SLC6A9: variants seen among roughly 807,000 people sequenced by gnomAD.
SLC6A9 encodes the protein solute carrier family 6 member 9.
Under a neutral mutation model 70.9 loss-of-function variants are expected in SLC6A9, and 31 were observed. That is an observed-to-expected ratio of 0.44 (90% CI 0.33 to 0.59). The LOEUF is 0.59. SLC6A9 is among the 20% of genes least tolerant of loss of function. The probability of loss-of-function intolerance (pLI) is 0.04; values close to 1 mark genes in which losing one functional copy is unlikely to be tolerated. For synonymous variants in SLC6A9, 310 were observed against 341.3 expected, an observed-to-expected ratio of 0.91 and a Z score of 1.01; for missense variants, 631 against 845.2, an observed-to-expected ratio of 0.75 and a Z score of 3.14.
chr1:44,003,050 C>T (rs761739746), intron 5 of SLC6A9, 65 bp from the exon 6 acceptor site: 2 of 1,590,250 alleles, frequency 1.3e-6, no homozygotes, highest in South Asian at 2.2e-5. Flanking sequence ...TTCCCAAGGC[C>T]CAGGGCCCAC....
Position 44,003,021 on chromosome 1 carries a change from G to A in SLC6A9, c.591-36C>T, listed in dbSNP as rs367547801. ...GAGACTCTGTCACTGAGGGCCAGCCGCCGCTGCCCAGCAACAAATTCCCAA... is the reference window on the plus strand; with the variant it reads ...GAGACTCTGTCACTGAGGGCCAGCCACCGCTGCCCAGCAACAAATTCCCAA... On this transcript the variant is annotated intron_variant, in intron 5 of 13. Transcript: ENST00000372310. The A allele has an allele frequency of 3.3e-5, 53 of 1,611,612 alleles. 1 individual carries two copies. In the Admixed American group the frequency reaches 4.2e-4, roughly 13 times the overall value.
At chr1:44,006,204 G>A (rs1362998628) in intron 5 of SLC6A9, among the ~76,000 whole-genome samples, 1 of 151,948 alleles carries the variant, frequency 6.6e-6, no homozygotes, top group Admixed American at 6.5e-5. Flanking sequence ...ATATCTGCTC[G>A]TTCTCCCATC....
chr1:44,001,175 GGGGGAT>G lies in SLC6A9; in HGVS notation c.1318_1323del (p.Ile440_Pro441del). 6.2e-7 allele frequency: 1 copy of G among 1,614,232 alleles called. No individual in the cohort carries two copies. The highest frequency in any genetic ancestry group is 8.5e-7 in the Non-Finnish European group (1 of 1,180,038). On this transcript the variant is annotated inframe_deletion, in exon 10 of 14. Transcript: ENST00000372310. ...TACGCAGCTCTTACCTGGCTGGTGA[GGGGGAT>G]GCCCAGCAGGAAGCCAGCCACAGCC...
chr1:43,998,041 G>A lies in SLC6A9; in HGVS notation c.1537-16C>T, dbSNP rs929807139. 1.4e-5 allele frequency: 23 copies of A among 1,598,384 alleles called. No homozygotes were observed. The African/African-American group carries it at 2.7e-4, about 19-fold the overall frequency. On this transcript the variant is annotated splice_polypyrimidine_tract_variant and intron_variant, in intron 12 of 13. Transcript: ENST00000372310. ...CTAGAATAAACTGCACGGGGCAGGT[G>A]TGGGAGTGGGCGTGAGGCCGACCCA...
rs990101427 is a variant in SLC6A9, at chr1:44,017,191, G to T, written c.31-6309C>A. 36 of 1,577,692 alleles carry T rather than the reference G, an allele frequency of 2.3e-5. No homozygotes were observed. In the African/African-American group the frequency reaches 4.0e-4, roughly 17 times the overall value. On this transcript the variant is annotated intron_variant, in intron 2 of 13. Coordinates refer to ENST00000372310, the MANE Select transcript of SLC6A9 (RefSeq NM_001024845.3). ...CGCATCCCCTGCCTCTCCCACTGCC[G>T]GGCTGGGCAGCGTCAATTACTTTCA...
At position 44,001,009 on chromosome 1, in the gene SLC6A9, A is replaced by G; in HGVS notation, c.1382T>C (p.Phe461Ser). 1 of 1,582,436 alleles carries G rather than the reference A, an allele frequency of 6.3e-7. No homozygotes were observed. Among genetic ancestry groups the G allele is most frequent in the Non-Finnish European group, 8.6e-7 (1 of 1,162,222 alleles). Residue 461 changes from phenylalanine (F) to serine (S), a missense_variant, in exon 11 of 14, where the codon TTC becomes TCC. Coordinates refer to ENST00000372310, the MANE Select transcript of SLC6A9 (RefSeq NM_001024845.3). ...LLLMDNYAAS[F>S]SLVVISCIMC... is the part of the protein sequence containing the mutation. ...GATGCAGGAGATGACCACCAAGGAG[A>G]AGCTGGCCGCATAGTTGTCCATCAG...
chr1:44,024,379 G>C lies in SLC6A9; in HGVS notation c.-85-17C>G. On this transcript the variant is annotated splice_polypyrimidine_tract_variant and intron_variant, in intron 1 of 13. Coordinates refer to ENST00000372310, the MANE Select transcript of SLC6A9 (RefSeq NM_001024845.3). ...TCTCAAGAGCTGTGGAGAGAGCAGA[G>C]GGTGAGGTGAGGACTTGGCCGTGTG... 6.8e-7 allele frequency: 1 copy of C among 1,466,492 alleles called. No individual in the cohort carries two copies. The highest frequency in any genetic ancestry group is 1.7e-5 in the Admixed American group (1 of 59,750). 90.8% of individuals were successfully genotyped at this position (1,466,492 alleles called of 1,614,324 possible).
intron 2 of SLC6A9, among the ~76,000 whole-genome samples, chr1:44,021,691 TA>T (rs1378933515): frequency 5.3e-5 from 8 of 152,252 alleles, no homozygotes; most frequent in Non-Finnish European, 8.8e-5. Context: ...TCTTCTGATC[TA>T]CCAGGGTATC....
rs1299816731 is a variant in SLC6A9, at chr1:44,018,191, A to AC, written c.30+6056dup. On this transcript the variant is annotated intron_variant, in intron 2 of 13. Transcript: ENST00000372310. This position sits in a 1 kb window ranked among gnomAD's most constrained non-coding sequence, Gnocchi z 4.2. ...ACCTCAGGAAATATCAGTCAGATGG[A>AC]CACGTGCATGAATTCTGGTGTAAGA... 4.6e-5 allele frequency among the ~76,000 whole-genome samples: 7 copies of AC among 152,340 alleles called. 1 individual carries two copies. Among genetic ancestry groups the AC allele is most frequent in the South Asian group, 2.1e-4 (1 of 4,832 alleles).
intron 2 of SLC6A9, among the ~76,000 whole-genome samples, chr1:44,020,119 C>G (rs972221330): frequency 6.6e-6 from 1 of 152,236 alleles, no homozygotes; most frequent in Admixed American, 6.5e-5. Context: ...AGAAGAGCAC[C>G]TCCACTGTAC....
chr1:44,026,300 C>T (rs150383525), intron 1 of SLC6A9, among the ~76,000 whole-genome samples: 1 of 152,330 alleles, frequency 6.6e-6, no homozygotes, highest in Non-Finnish European at 1.5e-5. Context: ...TCCTTAAAGC[C>T]ATCTGTCTGC....
chr1:44,002,733 C>G lies in SLC6A9; in HGVS notation c.724-87G>C. ...TGGCTCCCTAATCACCACCAGCCCC[C>G]TGGTCCCTCTCCGGCTCCGGAGTCC... On this transcript the variant is annotated intron_variant, in intron 6 of 13. Transcript: ENST00000372310. This position sits in a 1 kb window ranked among gnomAD's most constrained non-coding sequence, Gnocchi z 5.5. 2 of 1,597,098 alleles carry G rather than the reference C, an allele frequency of 1.3e-6. No individual in the cohort carries two copies. Among genetic ancestry groups the G allele is most frequent in the Non-Finnish European group, 1.7e-6 (2 of 1,166,296 alleles).
At chr1:44,028,442 G>C (rs1258717821) in intron 1 of SLC6A9, among the ~76,000 whole-genome samples, 1 of 152,222 alleles carries the variant, frequency 6.6e-6, no homozygotes, top group Non-Finnish European at 1.5e-5. Context: ...TGAAGTTGAA[G>C]AGAGGAAGTC....
At chr1:44,015,834 G>GC in intron 2 of SLC6A9, 1 of 985,054 alleles carries the variant, frequency 1.0e-6, no homozygotes, top group Non-Finnish European at 1.2e-6. Flanking sequence ...AGAGTCTGGG[G>GC]CCGGGGTGGA....
chr1:44,030,184 G>T (rs993745078), intron 1 of SLC6A9, among the ~76,000 whole-genome samples: 1 of 152,126 alleles, frequency 6.6e-6, no homozygotes, highest in Non-Finnish European at 1.5e-5. Flanking sequence ...CAGCGGCACC[G>T]CCCGCAGCGT....
At chr1:44,021,332 G>C (rs1181579953) in intron 2 of SLC6A9, among the ~76,000 whole-genome samples, 1 of 152,172 alleles carries the variant, frequency 6.6e-6, no homozygotes, top group African/African-American at 2.4e-5. Flanking sequence ...GAGGGAGGCA[G>C]CTGAGCTGGC....
intron 4 of SLC6A9, 71 bp downstream of exon 4, chr1:44,009,894 G>T: frequency 1.3e-6 from 2 of 1,556,448 alleles, no homozygotes; most frequent in Middle Eastern, 2.1e-4. Context: ...ACAGATGGGC[G>T]AGTTGGCACG....
At chr1:44,011,837 T>C in intron 2 of SLC6A9, 2 of 982,934 alleles carry the variant, frequency 2.0e-6, no homozygotes, top group East Asian at 2.6e-5. Context: ...GGACAGCCCC[T>C]TGTGGAACCC....
intron 2 of SLC6A9, among the ~76,000 whole-genome samples, chr1:44,021,708 A>G (rs1304807034): frequency 1.3e-5 from 2 of 152,230 alleles, no homozygotes; most frequent in African/African-American, 4.8e-5. Context: ...GTATCCAAAG[A>G]AGAACCCTGT....
Sources: gnomAD v4.1 joint callset for allele counts (sites outside exome capture counted in the v4.1 genomes callset) on GRCh38, gnomAD v4.1.1 for gene constraint, Gnocchi (gnomAD v3.1) non-coding constraint, MANE v1.5 for transcripts, NCBI Gene and HGNC (gene_info 2026-07-23, HGNC 2026-07-21) for gene names.